Variants in AHRR observed in about 807,000 individuals in gnomAD.
AHRR encodes the protein ahR repressor.
AHRR carries 28 observed loss-of-function variants against 44.0 expected under a neutral mutation model. The ratio of observed to expected loss-of-function variants is 0.64; its 90% CI spans 0.47 to 0.87. The LOEUF (loss-of-function observed/expected upper bound fraction) is 0.87. Among genes scored for constraint, AHRR ranks in the 40% least tolerant of loss-of-function variants. AHRR has a pLI of 0.00. For synonymous variants in AHRR, 434 were observed against 407.0 expected, an observed-to-expected ratio of 1.07 and a Z score of -0.80; for missense variants, 990 against 953.9, an observed-to-expected ratio of 1.04 and a Z score of -0.50.
chr5:373,637 G>A (rs1259949628), intron 3 of AHRR, among the ~76,000 whole-genome samples: 1 of 152,058 alleles, frequency 6.6e-6, no homozygotes, highest in African/African-American at 2.4e-5. Flanking sequence ...GGAGACTGGG[G>A]CTGGAGAGGT....
chr5:350,174 A>T (rs1310925135), intron 2 of AHRR, among the ~76,000 whole-genome samples: 1 of 152,212 alleles, frequency 6.6e-6, no homozygotes, highest in Non-Finnish European at 1.5e-5. Flanking sequence ...TTTTAATATG[A>T]TTACATTGAA....
Position 432,864 on chromosome 5 carries a change from A to G in AHRR, c.1029A>G (p.Arg343=). The change falls in exon 10 of 11, where the codon CGA becomes CGG. Residue 343 remains arginine (R), a synonymous_variant. Transcript: ENST00000684583. The part of the protein sequence containing the change: ...LVLREQTDAG[R]WAQVPARAPC... ...TCAGGGAACAGACTGACGCTGGCCG[A>G]TGGGCACAGGTTCCCGCCAGGGCCC... 1 of 1,613,794 alleles carries G rather than the reference A, an allele frequency of 6.2e-7. No homozygotes were observed. Among genetic ancestry groups the G allele is most frequent in the South Asian group, 1.1e-5 (1 of 91,082 alleles).
At chr5:366,546 A>G (rs984246729) in intron 3 of AHRR, among the ~76,000 whole-genome samples, 1 of 152,238 alleles carries the variant, frequency 6.6e-6, no homozygotes, top group African/African-American at 2.4e-5. Flanking sequence ...GGTAACCACT[A>G]CAGTCATAAT....
chr5:386,447 A>G (rs1734170975), intron 4 of AHRR, among the ~76,000 whole-genome samples: 1 of 152,240 alleles, frequency 6.6e-6, no homozygotes, highest in African/African-American at 2.4e-5. Context: ...AGAATCCTTA[A>G]AAGTAGAGAA....
chr5:434,624 G>A lies in AHRR; in HGVS notation c.1884G>A (p.Ser628=), dbSNP rs375711291. 11 of 1,562,178 alleles carry A rather than the reference G, an allele frequency of 7.0e-6. No individual in the cohort carries two copies. The highest frequency in any genetic ancestry group is 2.7e-5 in the African/African-American group (2 of 73,570). Residue 628 remains serine, a synonymous_variant, in exon 11 of 11, where the codon TCG becomes TCA. Transcript: ENST00000684583. ...CLEPTDGLPQ[S]EPPHQLCARG... is the part of the protein sequence containing the mutation. ...AGCCCACAGACGGCCTTCCCCAGTCGGAGCCTCCCCACCAGCTCTGTGCAC... is the reference window on the plus strand; with the variant it reads ...AGCCCACAGACGGCCTTCCCCAGTCAGAGCCTCCCCACCAGCTCTGTGCAC...
rs1046152237 is a variant in AHRR at position 395,404 on chromosome 5, A to C, written c.352-17940A>C. Among the ~76,000 whole-genome samples the C allele has an allele frequency of 1.3e-5, 2 of 152,234 alleles. No individual in the cohort carries two copies. Among genetic ancestry groups the C allele is most frequent in the Non-Finnish European group, 2.9e-5 (2 of 68,034 alleles). ...GGACAAGGTGGCAAACAGGAAGGGC[A>C]GCTGACTCACCAGCCCAGAGCAGGG... On this transcript the variant is annotated intron_variant, in intron 4 of 10. Coordinates refer to ENST00000684583, the MANE Select transcript of AHRR (RefSeq NM_001377236.1). The surrounding 1 kb of genome is among the most constrained non-coding windows in gnomAD (Gnocchi z 5.3).
intron 2 of AHRR, among the ~76,000 whole-genome samples, chr5:348,241 T>C (rs541551010): frequency 6.6e-6 from 1 of 152,022 alleles, no homozygotes; most frequent in Admixed American, 6.5e-5. Flanking sequence ...GCCTGTTTGA[T>C]GCTCCTTGTC....
chr5:436,110 T>G lies in AHRR; in HGVS notation c.*1276T>G, dbSNP rs1215508066. ...GTGCGGGGGTGGGAAGGCCCCATCC[T>G]CAGGGAGAGGGCATCGGCGCCCTGA... is the stretch of plus-strand genomic sequence containing the variant. On this transcript the variant is annotated 3_prime_UTR_variant, in exon 11 of 11. Transcript: ENST00000684583. 1 of 126,698 alleles carries G rather than the reference T, an allele frequency of 7.9e-6. No individual in the cohort carries two copies. The highest frequency in any genetic ancestry group is 3.5e-5 in the African/African-American group (1 of 28,616). The allele number at this position is 126,698 out of a possible 1,614,324, so 7.8% of individuals were successfully genotyped here.
At chr5:425,404 G>A (rs528670473) in intron 7 of AHRR, among the ~76,000 whole-genome samples, 9 of 152,256 alleles carry the variant, frequency 5.9e-5, no homozygotes, top group East Asian at 1.9e-4. Context: ...TGCAAGCTCC[G>A]CCTCCTGGGT....
In AHRR at chr5:434,389, C is replaced by A; in HGVS notation, c.1649C>A (p.Pro550His). 2 of 1,613,600 alleles carry A rather than the reference C, an allele frequency of 1.2e-6. No homozygotes were observed. The highest frequency in any genetic ancestry group is 1.7e-6 in the Non-Finnish European group (2 of 1,179,996). ...GCEGAADGCV[P>H]SQVWLGASDR... ...GAGGGTGCTGCAGACGGCTGTGTGC[C>A]CAGCCAGGTGTGGCTGGGGGCCAGT... Residue 550 changes from proline to histidine, a missense_variant, in exon 11 of 11, where the codon CCC becomes CAC. Physicochemically the swap from Pro to His is moderately conservative, Grantham distance 77 (BLOSUM62 -2). Transcript: ENST00000684583.
At chr5:424,019 G>A in intron 7 of AHRR, 42 bp downstream of exon 7, 1 of 1,580,512 alleles carries the variant, frequency 6.3e-7, no homozygotes. Flanking sequence ...CGACATCTGG[G>A]ATGCATTCTA....
At chr5:350,555 T>G (rs991647198) in intron 2 of AHRR, among the ~76,000 whole-genome samples, 1 of 152,056 alleles carries the variant, frequency 6.6e-6, no homozygotes, top group African/African-American at 2.4e-5. Flanking sequence ...ATCTCTCCCA[T>G]CTCTCTGGCG....
chr5:368,712 G>GC (rs1579630392), intron 3 of AHRR, among the ~76,000 whole-genome samples: 1 of 152,222 alleles, frequency 6.6e-6, no homozygotes, highest in East Asian at 1.9e-4. Flanking sequence ...TGACCGCAGA[G>GC]CCCCCCTGAG....
At chr5:361,694 C>A (rs1743189914) in intron 3 of AHRR, among the ~76,000 whole-genome samples, 2 of 152,234 alleles carry the variant, frequency 1.3e-5, no homozygotes, top group Non-Finnish European at 2.9e-5. Context: ...CCCCTCTCTT[C>A]CTACTGGGTC....
intron 1 of AHRR, among the ~76,000 whole-genome samples, chr5:332,101 A>G (rs902752192): frequency 1.3e-5 from 2 of 152,092 alleles, no homozygotes; most frequent in African/African-American, 4.8e-5. Flanking sequence ...CCATGTATGT[A>G]TAGTTTCCAG....
chr5:323,068 C>T (rs1027640583), intron 1 of AHRR, among the ~76,000 whole-genome samples: 5 of 152,224 alleles, frequency 3.3e-5, no homozygotes, highest in African/African-American at 4.8e-5. Context: ...GGGACCTGCC[C>T]GTGAGCAGCA....
At chr5:373,856 G>A (rs533857743) in intron 3 of AHRR, among the ~76,000 whole-genome samples, 2 of 150,822 alleles carry the variant, frequency 1.3e-5, no homozygotes, top group African/African-American at 2.4e-5. Context: ...GCGGGCGGGG[G>A]CGGGAGCGCT....
chr5:373,862 G>C (rs1406604444), intron 3 of AHRR, among the ~76,000 whole-genome samples: 1 of 150,804 alleles, frequency 6.6e-6, no homozygotes, highest in Non-Finnish European at 1.5e-5. Context: ...GGGGGCGGGA[G>C]CGCTGCTCGC....
rs1389698914 is a variant in AHRR at position 395,356 on chromosome 5, A to C, written c.352-17988A>C. Among the ~76,000 whole-genome samples the C allele has an allele frequency of 6.6e-6, 1 of 152,212 alleles. No individual in the cohort carries two copies. The highest frequency in any genetic ancestry group is 1.9e-4 in the East Asian group (1 of 5,186). On this transcript the variant is annotated intron_variant, in intron 4 of 10. Transcript: ENST00000684583. The surrounding 1 kb of genome is among the most constrained non-coding windows in gnomAD (Gnocchi z 5.3). ...CCAGGCTGAGCAGGGTCCGAAAATT[A>C]GGGGAATAAAAGTCCCGGGAGAGGA...
Sources: gnomAD v4.1 joint callset for allele counts (sites outside exome capture counted in the v4.1 genomes callset) on GRCh38, gnomAD v4.1.1 for gene constraint, Gnocchi (gnomAD v3.1) non-coding constraint, MANE v1.5 for transcripts, NCBI Gene and HGNC (gene_info 2026-07-23, HGNC 2026-07-21) for gene names.